RTTN: variants seen among roughly 807,000 people sequenced by gnomAD.
The protein encoded by RTTN is rotatin.
A neutral mutation model predicts 269.2 loss-of-function variants in RTTN; 182 were observed. The ratio of observed to expected loss-of-function variants is 0.68; its 90% CI spans 0.60 to 0.76. The LOEUF is 0.76. Among genes scored for constraint, RTTN ranks in the 30% least tolerant of loss-of-function variants. The probability of loss-of-function intolerance (pLI) is 0.00; values close to 1 mark genes in which losing one functional copy is unlikely to be tolerated. For synonymous variants in RTTN, 1,006 were observed against 963.5 expected (o/e 1.04, Z -0.82); for missense variants, 2,545 against 2,608.6 (o/e 0.98, Z 0.53).
chr18:70,011,896 G>A (rs1300703160), intron 46 of RTTN, among the ~76,000 whole-genome samples: 1 of 149,108 alleles, frequency 6.7e-6, no homozygotes, highest in Non-Finnish European at 1.5e-5. Flanking sequence ...GTGTTAGATA[G>A]AGGGTAGCGT....
chr18:70,116,254 A>G (rs2059600625), intron 26 of RTTN, among the ~76,000 whole-genome samples: 1 of 152,060 alleles, frequency 6.6e-6, no homozygotes, highest in South Asian at 2.1e-4. Flanking sequence ...TTGTAAAACA[A>G]TTTTATTATT....
At chr18:70,150,410 A>G (rs1178462716) in intron 15 of RTTN, among the ~76,000 whole-genome samples, 198 bp downstream of exon 15, 1 of 152,184 alleles carries the variant, frequency 6.6e-6, no homozygotes, top group Non-Finnish European at 1.5e-5. Context: ...TTTGAAATCA[A>G]GTGTGTCCTG....
At chr18:70,133,191 C>A (rs1319441605) in intron 23 of RTTN, among the ~76,000 whole-genome samples, 1 of 152,114 alleles carries the variant, frequency 6.6e-6, no homozygotes, top group African/African-American at 2.4e-5. Context: ...CCAGCACCCA[C>A]AAATGTGATC....
intron 28 of RTTN, among the ~76,000 whole-genome samples, chr18:70,100,789 G>A (rs1489347863): frequency 1.3e-5 from 2 of 152,164 alleles, no homozygotes; most frequent in Admixed American, 6.5e-5. Flanking sequence ...AGCATGAAGG[G>A]CTGTTGAATT....
intron 9 of RTTN, among the ~76,000 whole-genome samples, chr18:70,189,174 T>G (rs1365904067): frequency 2.0e-5 from 3 of 152,242 alleles, no homozygotes; most frequent in Non-Finnish European, 4.4e-5. Context: ...GATAAACATA[T>G]GTACTTTATG....
At chr18:70,099,315 G>A (rs190464061) in intron 28 of RTTN, among the ~76,000 whole-genome samples, 23 of 152,224 alleles carry the variant, frequency 1.5e-4, no homozygotes, top group African/African-American at 4.1e-4. Flanking sequence ...TCTCATTGTC[G>A]TTTTGATTTG....
intron 14 of RTTN, among the ~76,000 whole-genome samples, chr18:70,162,919 AGATT>A (rs2060877017): frequency 6.7e-6 from 1 of 150,354 alleles, no homozygotes; most frequent in African/African-American, 2.4e-5. Flanking sequence ...AACTAATGAA[AGATT>A]ACATGAAAAA....
At chr18:70,134,966 T>C (rs924931179) in intron 22 of RTTN, among the ~76,000 whole-genome samples, 2 of 152,202 alleles carry the variant, frequency 1.3e-5, no homozygotes, top group African/African-American at 2.4e-5. Flanking sequence ...TTTTAAAGTT[T>C]ATATTTAGTA....
intron 14 of RTTN, among the ~76,000 whole-genome samples, chr18:70,155,652 G>C (rs996972459): frequency 6.6e-6 from 1 of 152,224 alleles, no homozygotes; most frequent in Non-Finnish European, 1.5e-5. Context: ...CAGAATGCCA[G>C]TCTGCACAGA....
chr18:70,045,065 T>C (rs1339568506), intron 40 of RTTN, among the ~76,000 whole-genome samples: 2 of 152,204 alleles, frequency 1.3e-5, no homozygotes, highest in African/African-American at 2.4e-5. Context: ...GAATATTTCT[T>C]AGAAAATGCT....
At chr18:70,194,710 C>T (rs1462081712) in intron 7 of RTTN, 1 of 152,218 alleles carries the variant, frequency 6.6e-6, no homozygotes, top group Non-Finnish European at 1.5e-5. Flanking sequence ...AGGACAAATA[C>T]TGTATGATTC....
intron 28 of RTTN, 66 bp downstream of exon 28, chr18:70,109,432 C>T: frequency 8.4e-7 from 1 of 1,186,184 alleles, no homozygotes; most frequent in Admixed American, 1.7e-5. Context: ...GTATAATGCA[C>T]TTGTGGCCTG....
At chr18:70,105,859 A>G (rs1173681549) in intron 28 of RTTN, among the ~76,000 whole-genome samples, 4 of 152,132 alleles carry the variant, frequency 2.6e-5, no homozygotes, top group African/African-American at 9.7e-5. Context: ...ACATTTCCAA[A>G]ATGTTTTTCA....
intron 1 of RTTN, 125 bp from the exon 2 acceptor site, chr18:70,205,440 G>A (rs2062052919): frequency 1.4e-6 from 2 of 1,391,984 alleles, no homozygotes; most frequent in African/African-American, 1.4e-5. Context: ...GGCCACTGGT[G>A]CCTTCGGGAC....
chr18:70,153,971 A>G (rs550778141), intron 14 of RTTN, among the ~76,000 whole-genome samples: 15 of 152,320 alleles, frequency 9.8e-5, no homozygotes, highest in African/African-American at 3.4e-4. Flanking sequence ...CAAATAGTTA[A>G]CAAGAAAATA....
chr18:70,074,200 T>G (rs2058370993), intron 33 of RTTN, among the ~76,000 whole-genome samples: 1 of 151,866 alleles, frequency 6.6e-6, no homozygotes, highest in Non-Finnish European at 1.5e-5. Flanking sequence ...CACTGAGAGC[T>G]TGCTAAAGCA....
chr18:70,184,714 T>TGTGTGTGTG (rs1195408237), intron 10 of RTTN, among the ~76,000 whole-genome samples: 384 of 53,366 alleles, frequency 7.2e-3, no homozygotes, highest in African/African-American at 0.017. Context: ...TTTTTTTTTT[T>TGTGTGTGTG]TTTGTGTGTG....
Position 70,088,057 on chromosome 18 carries a change from C to G in RTTN, c.4234G>C (p.Gly1412Arg), listed in dbSNP as rs370765246. The G allele has an allele frequency of 6.2e-7, 1 of 1,613,920 alleles. No homozygotes were observed. The highest frequency in any genetic ancestry group is 8.5e-7 in the Non-Finnish European group (1 of 1,179,894). ...ALANSCQNIS[G>R]GLWGTVVNIL... The stretch of plus-strand genomic sequence containing the variant: ...TTCACCACAGTTCCCCAGAGCCCAC[C>G]GGAAATGTTCTGACAACTGTTTGCT... Residue 1412 changes from glycine to arginine, a missense_variant, in exon 31 of 49, where the codon GGT becomes CGT. By Grantham distance (125) the Gly-to-Arg change is moderately radical. Coordinates refer to ENST00000640769, the MANE Select transcript of RTTN (RefSeq NM_173630.4).
intron 40 of RTTN, among the ~76,000 whole-genome samples, chr18:70,036,592 G>A (rs2057179342): frequency 6.6e-6 from 1 of 152,066 alleles, no homozygotes; most frequent in Admixed American, 6.5e-5. Flanking sequence ...TAACTATTGG[G>A]TACCAGGCTT....
Sources: allele counts gnomAD v4.1 joint callset (sites outside exome capture counted in the v4.1 genomes callset), GRCh38; gene constraint gnomAD v4.1.1; transcripts MANE v1.5; gene names NCBI Gene and HGNC (gene_info 2026-07-23, HGNC 2026-07-21).